Variants in RALGAPB observed in about 807,000 individuals in gnomAD.
RALGAPB encodes the protein Ral GTPase activating protein non-catalytic subunit beta.
RALGAPB carries 25 observed loss-of-function variants against 161.1 expected under a neutral mutation model. That is an observed-to-expected ratio of 0.16 (90% CI 0.11 to 0.22). The LOEUF (loss-of-function observed/expected upper bound fraction) is 0.22. RALGAPB is among the 10% of genes least tolerant of loss of function. The pLI is 1.00. For missense variants in RALGAPB, 1,391 were observed against 1,815.2 expected (o/e 0.77, Z 4.25); for synonymous variants, 629 against 626.1 (o/e 1.00, Z -0.07).
At chr20:38,495,200 A>G (rs537171711) in intron 3 of RALGAPB, among the ~76,000 whole-genome samples, 2 of 152,304 alleles carry the variant, frequency 1.3e-5, no homozygotes, top group African/African-American at 2.4e-5. Flanking sequence ...AGTTGTTTTT[A>G]TAAAAACTGA....
intron 9 of RALGAPB, among the ~76,000 whole-genome samples, chr20:38,518,250 T>A (rs2086190831): frequency 6.6e-6 from 1 of 152,210 alleles, no homozygotes; most frequent in Admixed American, 6.5e-5. Context: ...TTAAGGTTAG[T>A]CACATTTTGT....
At chr20:38,512,829 T>A (rs2086001499) in intron 6 of RALGAPB, among the ~76,000 whole-genome samples, 1 of 152,106 alleles carries the variant, frequency 6.6e-6, no homozygotes, top group Admixed American at 6.5e-5. Flanking sequence ...GCGCAATCTC[T>A]GCTCACTGCA....
intron 1 of RALGAPB, among the ~76,000 whole-genome samples, chr20:38,475,653 C>G (rs35863267): frequency 2.8e-5 from 4 of 144,844 alleles, no homozygotes; most frequent in African/African-American, 7.7e-5. Context: ...CTCGCTCTGT[C>G]CCCCAGGCTG....
intron 5 of RALGAPB, among the ~76,000 whole-genome samples, chr20:38,501,779 TA>T (rs1351566360): frequency 2.0e-5 from 3 of 152,158 alleles, no homozygotes; most frequent in Admixed American, 6.5e-5. Flanking sequence ...CACTTACATG[TA>T]GATTTTTCTC....
intron 21 of RALGAPB, 112 bp downstream of exon 21, chr20:38,551,335 T>C (rs758297934): frequency 2.5e-6 from 3 of 1,218,566 alleles, no homozygotes; most frequent in Non-Finnish European, 3.5e-6. Flanking sequence ...TAAGATGACA[T>C]GGGCCTCCAT....
chr20:38,531,305 A>G, intron 14 of RALGAPB, 74 bp downstream of exon 14: 1 of 1,304,846 alleles, frequency 7.7e-7, no homozygotes, highest in South Asian at 1.3e-5. Context: ...CAGAATGTCC[A>G]TCTTTGTGAA....
At chr20:38,568,195 A>G (rs1056694248) in intron 26 of RALGAPB, among the ~76,000 whole-genome samples, 10 of 152,242 alleles carry the variant, frequency 6.6e-5, no homozygotes, top group Admixed American at 5.2e-4. Context: ...ATAAAGCACC[A>G]TGTTTTTGTT....
At chr20:38,509,034 A>G (rs142435760) in intron 5 of RALGAPB, 43 bp from the exon 6 acceptor site, 34 of 1,593,436 alleles carry the variant, frequency 2.1e-5, no homozygotes, top group African/African-American at 9.4e-5. Flanking sequence ...GTATTTTTCA[A>G]TCTGTTAAGA....
intron 16 of RALGAPB, among the ~76,000 whole-genome samples, chr20:38,537,282 A>G (rs12625459): frequency 0.036 from 5,519 of 152,222 alleles, 160 homozygotes; most frequent in East Asian, 0.11. Context: ...AAACAATTGG[A>G]TAGTCATACA....
chr20:38,513,792 GAACCATCTATC>G (rs2086045736), intron 6 of RALGAPB, among the ~76,000 whole-genome samples: 1 of 151,828 alleles, frequency 6.6e-6, no homozygotes, highest in Non-Finnish European at 1.5e-5. Flanking sequence ...TCCCAATGTT[GAACCATCTATC>G]ATTCCTGAAA....
intron 13 of RALGAPB, among the ~76,000 whole-genome samples, chr20:38,529,754 T>C (rs1163599767): frequency 2.0e-5 from 3 of 147,530 alleles, no homozygotes; most frequent in Non-Finnish European, 4.5e-5. Flanking sequence ...AGGCAGAGAA[T>C]TGCTTGAACC....
chr20:38,566,688 G>C (rs1278458711), intron 25 of RALGAPB, among the ~76,000 whole-genome samples: 1 of 152,174 alleles, frequency 6.6e-6, no homozygotes, highest in African/African-American at 2.4e-5. Flanking sequence ...TTGGCACAAT[G>C]CTACATGATT....
intron 5 of RALGAPB, among the ~76,000 whole-genome samples, chr20:38,505,157 CA>C (rs2085722581): frequency 6.6e-6 from 1 of 152,140 alleles, no homozygotes; most frequent in African/African-American, 2.4e-5. Flanking sequence ...TTCACAATAG[CA>C]AAGACATGGA....
intron 26 of RALGAPB, among the ~76,000 whole-genome samples, 182 bp downstream of exon 26, chr20:38,567,414 C>G (rs1179749227): frequency 6.6e-6 from 1 of 152,178 alleles, no homozygotes; most frequent in African/African-American, 2.4e-5. Flanking sequence ...ACAAATAGTT[C>G]ATTCTGAGAC....
chr20:38,574,661 A>G (rs1335375796), intron 29 of RALGAPB, 113 bp from the exon 30 acceptor site: 1 of 1,102,358 alleles, frequency 9.1e-7, no homozygotes, highest in East Asian at 2.4e-5. Flanking sequence ...GGAAGTTTGC[A>G]AATTGAATGA....
At chr20:38,541,983 C>T (rs535131189) in intron 18 of RALGAPB, among the ~76,000 whole-genome samples, 1 of 152,174 alleles carries the variant, frequency 6.6e-6, no homozygotes, top group South Asian at 2.1e-4. Flanking sequence ...AGTTTGGTAC[C>T]TTGAAAAAGA....
intron 19 of RALGAPB, chr20:38,546,858 T>C (rs768477311): frequency 3.7e-5 from 6 of 161,116 alleles, no homozygotes; most frequent in East Asian, 1.8e-4. Context: ...TACTCACTTA[T>C]ATAATTAGTT....
intron 1 of RALGAPB, among the ~76,000 whole-genome samples, chr20:38,474,296 C>G (rs1041603109): frequency 2.6e-5 from 4 of 152,000 alleles, no homozygotes; most frequent in Non-Finnish European, 5.9e-5. Flanking sequence ...TCTTTTCTTT[C>G]TTTCTTTTTT....
At chr20:38,513,949 C>T (rs2089030514) in intron 6 of RALGAPB, among the ~76,000 whole-genome samples, 1 of 151,988 alleles carries the variant, frequency 6.6e-6, no homozygotes, top group Non-Finnish European at 1.5e-5. Flanking sequence ...TTTTGTGTTC[C>T]TTAAGAGTTT....
Sources: gnomAD v4.1 joint callset for allele counts (sites outside exome capture counted in the v4.1 genomes callset) on GRCh38, gnomAD v4.1.1 for gene constraint, MANE v1.5 for transcripts, NCBI Gene and HGNC (gene_info 2026-07-23, HGNC 2026-07-21) for gene names.